Variants in PRKACB observed in about 807,000 individuals in gnomAD.
PRKACB encodes the protein protein kinase cAMP-activated catalytic subunit beta.
In PRKACB, 16 loss-of-function variants were observed where a neutral mutation model predicts 51.4. The observed-to-expected ratio is 0.31, with a 90% CI of 0.21 to 0.47. The LOEUF is 0.47. Among genes scored for constraint, PRKACB ranks in the 20% least tolerant of loss-of-function variants. The pLI is 1.00. For missense variants in PRKACB, 309 were observed against 464.5 expected, an observed-to-expected ratio of 0.67 and a Z score of 3.08; for synonymous variants, 147 against 154.4, an observed-to-expected ratio of 0.95 and a Z score of 0.35.
Position 84,235,478 on chromosome 1 carries a change from C to A in PRKACB, c.*173C>A. On this transcript the variant is annotated 3_prime_UTR_variant, in exon 10 of 10. Coordinates refer to ENST00000370685, the MANE Select transcript of PRKACB (RefSeq NM_182948.4). ...GCGCACTCTGCATCCACCTATGTAA[C>A]AAGGCACCGCTAAGCAAGCATTGTC... The A allele has an allele frequency of 1.4e-6, 1 of 735,352 alleles. No individual in the cohort carries two copies. Among genetic ancestry groups the A allele is most frequent in the Non-Finnish European group, 2.2e-6 (1 of 459,490 alleles). 45.6% of individuals were successfully genotyped at this position (735,352 alleles called of 1,614,324 possible).
intron 5 of PRKACB, among the ~76,000 whole-genome samples, chr1:84,187,316 A>G (rs1025401024): frequency 2.0e-5 from 3 of 152,210 alleles, no homozygotes; most frequent in Admixed American, 2.0e-4. Flanking sequence ...TATAGCAGTT[A>G]CTGATTGTGA....
intron 5 of PRKACB, among the ~76,000 whole-genome samples, chr1:84,186,807 CGAG>C (rs1345047849): frequency 6.6e-6 from 1 of 151,980 alleles, no homozygotes; most frequent in Non-Finnish European, 1.5e-5. Context: ...ATTCAAGTAA[CGAG>C]GAGGCCAGAA....
intron 5 of PRKACB, among the ~76,000 whole-genome samples, chr1:84,195,641 G>T (rs756913818): frequency 6.6e-6 from 1 of 152,022 alleles, no homozygotes; most frequent in Non-Finnish European, 1.5e-5. Flanking sequence ...AGCTGGGTGC[G>T]GTGGCTGACT....
At chr1:84,099,315 A>G (rs1649159538) in intron 1 of PRKACB, among the ~76,000 whole-genome samples, 1 of 152,092 alleles carries the variant, frequency 6.6e-6, no homozygotes, top group Admixed American at 6.6e-5. Context: ...TATTCAGTGC[A>G]TTTTAATGGC....
intron 1 of PRKACB, among the ~76,000 whole-genome samples, chr1:84,084,022 C>CA (rs1647765381): frequency 6.6e-6 from 1 of 152,160 alleles, no homozygotes; most frequent in African/African-American, 2.4e-5. Context: ...TGTCAGCAAA[C>CA]ACATGAAACC....
chr1:84,173,810 A>C (rs968150283), intron 1 of PRKACB, among the ~76,000 whole-genome samples: 3 of 151,836 alleles, frequency 2.0e-5, no homozygotes, highest in Non-Finnish European at 4.4e-5. Flanking sequence ...TTCAGTAACA[A>C]ATTTTTAAAC....
chr1:84,094,957 A>G (rs1404584481), intron 1 of PRKACB, among the ~76,000 whole-genome samples: 4 of 152,028 alleles, frequency 2.6e-5, no homozygotes, highest in African/African-American at 9.7e-5. Context: ...TTAGATACAC[A>G]AATACCATTG....
At chr1:84,089,193 T>C (rs1648259274) in intron 1 of PRKACB, among the ~76,000 whole-genome samples, 1 of 152,106 alleles carries the variant, frequency 6.6e-6, no homozygotes, top group African/African-American at 2.4e-5. Context: ...GTTAAATGGA[T>C]CAAAAATTCA....
At chr1:84,094,861 A>G (rs1190888002) in intron 1 of PRKACB, among the ~76,000 whole-genome samples, 1 of 152,024 alleles carries the variant, frequency 6.6e-6, no homozygotes, top group Non-Finnish European at 1.5e-5. Flanking sequence ...GTGGTATGTA[A>G]CAACATTTCA....
chr1:84,227,452 A>G (rs569062155), intron 9 of PRKACB, among the ~76,000 whole-genome samples: 1 of 152,238 alleles, frequency 6.6e-6, no homozygotes, highest in South Asian at 2.1e-4. Context: ...TAGTATGCTA[A>G]AGATTTATGG....
intron 5 of PRKACB, among the ~76,000 whole-genome samples, chr1:84,194,887 T>C (rs1667784339): frequency 6.6e-6 from 1 of 152,054 alleles, no homozygotes; most frequent in Non-Finnish European, 1.5e-5. Flanking sequence ...GCAGTGATCA[T>C]GCTACAGCAC....
intron 1 of PRKACB, among the ~76,000 whole-genome samples, chr1:84,095,269 T>C (rs1029871570): frequency 1.5e-4 from 23 of 150,878 alleles, no homozygotes; most frequent in African/African-American, 5.1e-4. Flanking sequence ...TTTGCGCTTA[T>C]TCCTTCATGC....
intron 1 of PRKACB, among the ~76,000 whole-genome samples, chr1:84,096,380 A>C (rs1002993382): frequency 1.3e-5 from 2 of 152,120 alleles, no homozygotes; most frequent in South Asian, 4.1e-4. Context: ...TGAATGCTTC[A>C]AGAAGAAAAA....
intron 1 of PRKACB, among the ~76,000 whole-genome samples, chr1:84,110,117 A>G (rs1299708183): frequency 6.6e-6 from 1 of 151,954 alleles, no homozygotes; most frequent in Non-Finnish European, 1.5e-5. Flanking sequence ...CATGATACAG[A>G]TAGCCCTCCA....
chr1:84,228,305 C>G (rs1032933272), intron 9 of PRKACB, among the ~76,000 whole-genome samples: 1 of 152,020 alleles, frequency 6.6e-6, no homozygotes, highest in Admixed American at 6.6e-5. Context: ...ATTAAAAACC[C>G]TTGGAGAGCT....
At chr1:84,221,609 G>A (rs1673741474) in intron 9 of PRKACB, among the ~76,000 whole-genome samples, 1 of 151,732 alleles carries the variant, frequency 6.6e-6, no homozygotes, top group South Asian at 2.1e-4. Context: ...TATTCCATAG[G>A]TTTTGGTATA....
At chr1:84,147,515 A>C (rs565057870) in intron 1 of PRKACB, among the ~76,000 whole-genome samples, 88 of 152,020 alleles carry the variant, frequency 5.8e-4, no homozygotes, top group Non-Finnish European at 1.1e-3. Context: ...AACTTTTTTG[A>C]GTATTTACTA....
chr1:84,183,897 G>T, intron 3 of PRKACB, 140 bp from the exon 4 acceptor site: 1 of 857,710 alleles, frequency 1.2e-6, no homozygotes, highest in Non-Finnish European at 1.6e-6. Context: ...CCTAAAAGTT[G>T]GTAATTGTTA....
chr1:84,092,419 G>A (rs903975349), intron 1 of PRKACB, among the ~76,000 whole-genome samples: 2 of 152,162 alleles, frequency 1.3e-5, no homozygotes, highest in Non-Finnish European at 2.9e-5. Flanking sequence ...TATGGTTGAT[G>A]TAAATTTGGG....
Sources: gnomAD v4.1 joint callset for allele counts (sites outside exome capture counted in the v4.1 genomes callset) on GRCh38, gnomAD v4.1.1 for gene constraint, MANE v1.5 for transcripts, NCBI Gene and HGNC (gene_info 2026-07-23, HGNC 2026-07-21) for gene names.